KIF1B: variants seen among roughly 807,000 people sequenced by gnomAD.
The protein encoded by KIF1B is kinesin-like protein KIF1B.
In KIF1B, 76 loss-of-function variants were observed where a neutral mutation model predicts 241.9. That is an observed-to-expected ratio of 0.31 (90% CI 0.26 to 0.38). The LOEUF is 0.38. KIF1B is among the 10% of genes least tolerant of loss of function. The pLI is 1.00. For synonymous variants in KIF1B, 750 were observed against 796.7 expected (o/e 0.94, Z 0.99); for missense variants, 1,622 against 2,271.4 (o/e 0.71, Z 5.81).
chr1:10,350,902 T>C (rs1412619325), intron 37 of KIF1B, among the ~76,000 whole-genome samples: 1 of 151,902 alleles, frequency 6.6e-6, no homozygotes, highest in Non-Finnish European at 1.5e-5. Context: ...TTTGAGACTA[T>C]CCTAGACAAC....
At chr1:10,275,564 A>G in intron 11 of KIF1B, 61 bp downstream of exon 11, 1 of 949,672 alleles carries the variant, frequency 1.1e-6, no homozygotes, top group Non-Finnish European at 1.7e-6. Flanking sequence ...TTTGTGGTTA[A>G]TTGTCCTGTG....
intron 1 of KIF1B, among the ~76,000 whole-genome samples, chr1:10,229,664 G>A (rs968709702): frequency 6.6e-6 from 1 of 150,580 alleles, no homozygotes; most frequent in Non-Finnish European, 1.5e-5. Flanking sequence ...AGACCATCCT[G>A]GCTAACATGG....
intron 1 of KIF1B, among the ~76,000 whole-genome samples, chr1:10,212,769 A>C (rs1646708864): frequency 6.6e-6 from 1 of 151,614 alleles, no homozygotes; most frequent in Non-Finnish European, 1.5e-5. Context: ...TCATGCCTGT[A>C]TTCCCAGCTA....
chr1:10,284,683 T>C (rs1000353792), intron 15 of KIF1B, among the ~76,000 whole-genome samples: 1 of 151,730 alleles, frequency 6.6e-6, no homozygotes, highest in African/African-American at 2.4e-5. Flanking sequence ...AGACTCTGTC[T>C]CAAAAAATAA....
chr1:10,374,926 T>C lies in KIF1B; in HGVS notation c.5169T>C (p.Val1723=). 1 of 1,614,206 alleles carries C rather than the reference T, an allele frequency of 6.2e-7. No individual in the cohort carries two copies. The highest frequency in any genetic ancestry group is 8.5e-7 in the Non-Finnish European group (1 of 1,180,036). ...ACAGTAACTGGGCTAAACATTTTGT[T>C]GTCGTCCGTCGGCCTTATGTCTTCA... The part of the protein sequence containing the change: ...PLYSNWAKHF[V]VVRRPYVFIY... The change falls in exon 47 of 49, where the codon GTT becomes GTC. Residue 1723 remains valine, a synonymous_variant. Coordinates refer to ENST00000676179, the MANE Select transcript of KIF1B (RefSeq NM_001365951.3). The surrounding 1 kb of genome is among the most constrained non-coding windows in gnomAD (Gnocchi z 4.3).
chr1:10,235,004 C>T (rs1647031827), intron 2 of KIF1B, among the ~76,000 whole-genome samples: 1 of 151,882 alleles, frequency 6.6e-6, no homozygotes, highest in African/African-American at 2.4e-5. Context: ...ATTCTTCTGC[C>T]TCAGCCTCCT....
intron 10 of KIF1B, among the ~76,000 whole-genome samples, chr1:10,274,606 C>T (rs567259811): frequency 6.6e-6 from 1 of 152,268 alleles, no homozygotes; most frequent in South Asian, 2.1e-4. Context: ...AACAACCCAA[C>T]CAATGACATG....
intron 2 of KIF1B, among the ~76,000 whole-genome samples, chr1:10,253,590 T>C (rs1438007491): frequency 1.3e-5 from 2 of 152,134 alleles, no homozygotes; most frequent in Non-Finnish European, 2.9e-5. Context: ...CTGTAGTGAA[T>C]TGTGGTTGTA....
At chr1:10,241,861 G>A (rs1003435748) in intron 2 of KIF1B, among the ~76,000 whole-genome samples, 2 of 152,120 alleles carry the variant, frequency 1.3e-5, no homozygotes, top group African/African-American at 2.4e-5. Context: ...GTTGCCTAGT[G>A]AAGTGCGAAG....
chr1:10,319,564 G>A lies in KIF1B; in HGVS notation c.2116-479G>A, dbSNP rs190714754. ...GATAGTAATTTTTCACAAAGAGGAA[G>A]CATCAAAGTCTACAATCTTAATTTT... is the stretch of plus-strand genomic sequence containing the variant. On this transcript the variant is annotated intron_variant, in intron 22 of 48. Transcript: ENST00000676179. 2.6e-3 allele frequency among the ~76,000 whole-genome samples: 395 copies of A among 152,272 alleles called. 2 individuals are homozygous for A. Among genetic ancestry groups the A allele is most frequent in the African/African-American group, 9.1e-3 (378 of 41,556 alleles).
chr1:10,351,673 A>G (rs1652797978), intron 37 of KIF1B, among the ~76,000 whole-genome samples: 2 of 152,152 alleles, frequency 1.3e-5, no homozygotes, highest in South Asian at 4.1e-4. Context: ...GGGGTGTAAT[A>G]AAGTCAGCAT....
intron 48 of KIF1B, among the ~76,000 whole-genome samples, chr1:10,375,786 G>GTTTTTTTTTTTTTTTTTTTTTTTT (rs201620952): frequency 1.4e-5 from 1 of 69,590 alleles, no homozygotes; most frequent in Non-Finnish European, 2.6e-5. Flanking sequence ...TTCTTTTCTT[G>GTTTTTTTTTTTTTTTTTTTTTTTT]TTTTTTTTTT....
intron 5 of KIF1B, among the ~76,000 whole-genome samples, 160 bp downstream of exon 5, chr1:10,262,130 T>C (rs1648184206): frequency 6.6e-6 from 1 of 152,156 alleles, no homozygotes; most frequent in African/African-American, 2.4e-5. Context: ...ATGAATAGTG[T>C]CCTGCTTTAA....
intron 22 of KIF1B, chr1:10,307,139 C>G (rs1305731816): frequency 9.7e-7 from 1 of 1,029,626 alleles, no homozygotes; most frequent in African/African-American, 1.7e-5. Context: ...AAGAAATTAA[C>G]CAAGGTTTTA....
intron 38 of KIF1B, 44 bp downstream of exon 38, chr1:10,352,780 G>A (rs527449911): frequency 2.2e-5 from 31 of 1,383,434 alleles, no homozygotes; most frequent in South Asian, 4.6e-5. Context: ...ACTTGCAGGC[G>A]TTAATTGGTA....
At position 10,374,236 on chromosome 1, in the gene KIF1B, C is replaced by A; in HGVS notation, c.4947-80C>A. 1 of 1,444,214 alleles carries A rather than the reference C, an allele frequency of 6.9e-7. No individual in the cohort carries two copies. The highest frequency in any genetic ancestry group is 9.7e-7 in the Non-Finnish European group (1 of 1,026,018). 89.5% of individuals were successfully genotyped at this position (1,444,214 alleles called of 1,614,324 possible). A position where few individuals can be genotyped will look rare whatever the true frequency, so the allele number is the denominator to read the frequency against. On this transcript the variant is annotated intron_variant, in intron 45 of 48. Coordinates refer to ENST00000676179, the MANE Select transcript of KIF1B (RefSeq NM_001365951.3). This position sits in a 1 kb window ranked among gnomAD's most constrained non-coding sequence, Gnocchi z 4.3. Reference sequence around the variant, plus strand: ...TTAGGGAGGGCCATTGTGTTCCTCCCAGTGAAACAGTACTCAGTATGCCTT... The same window carrying A: ...TTAGGGAGGGCCATTGTGTTCCTCCAAGTGAAACAGTACTCAGTATGCCTT...
At chr1:10,216,976 T>C (rs1359432651) in intron 1 of KIF1B, among the ~76,000 whole-genome samples, 17 of 127,178 alleles carry the variant, frequency 1.3e-4, no homozygotes, top group African/African-American at 4.6e-4. Context: ...TTTTTTTTTT[T>C]TTTTTTTTTT....
intron 1 of KIF1B, among the ~76,000 whole-genome samples, chr1:10,230,133 C>T (rs2102124476): frequency 6.6e-6 from 1 of 152,152 alleles, no homozygotes; most frequent in Non-Finnish European, 1.5e-5. Flanking sequence ...TATGATTGTG[C>T]CACTGTACAG....
chr1:10,341,718 C>A (rs542683553), intron 32 of KIF1B, among the ~76,000 whole-genome samples: 3 of 152,136 alleles, frequency 2.0e-5, no homozygotes, highest in Admixed American at 1.3e-4. Context: ...TGCCTGTAAT[C>A]CAGCACTTTG....
Sources: gnomAD v4.1 joint callset for allele counts (sites outside exome capture counted in the v4.1 genomes callset) on GRCh38, gnomAD v4.1.1 for gene constraint, Gnocchi (gnomAD v3.1) non-coding constraint, MANE v1.5 for transcripts, NCBI Gene and HGNC (gene_info 2026-07-23, HGNC 2026-07-21) for gene names.